The following SAMSN1 variants were observed in gnomAD, a reference collection of about 807,000 sequenced individuals.
SAMSN1 encodes the protein SAM domain, SH3 domain and nuclear localization signals 1.
Under a neutral mutation model 42.0 loss-of-function variants are expected in SAMSN1, and 31 were observed. The observed-to-expected ratio is 0.74, with a 90% CI of 0.55 to 1.00. The LOEUF (loss-of-function observed/expected upper bound fraction) is 1.00. Among genes scored for constraint, SAMSN1 ranks in the 50% least tolerant of loss-of-function variants. The probability of loss-of-function intolerance (pLI) is 0.00; values close to 1 mark genes in which losing one functional copy is unlikely to be tolerated. For synonymous variants in SAMSN1, 178 were observed against 151.9 expected (o/e 1.17, Z -1.26); for missense variants, 464 against 439.4 (o/e 1.06, Z -0.50).
At chr21:14,646,809 T>G (rs1281931785) in intron 1 of SAMSN1, among the ~76,000 whole-genome samples, 1 of 152,206 alleles carries the variant, frequency 6.6e-6, no homozygotes, top group Non-Finnish European at 1.5e-5. Flanking sequence ...TAGTTTTCTT[T>G]TTGCTTGTTT....
intron 2 of SAMSN1, among the ~76,000 whole-genome samples, chr21:14,560,810 A>T (rs1026703104): frequency 1.3e-5 from 2 of 152,218 alleles, no homozygotes; most frequent in African/African-American, 4.8e-5. Context: ...TGCTCGCCTT[A>T]CATTCAGCTC....
upstream of SAMSN1, among the ~76,000 whole-genome samples, chr21:14,584,101 T>A (rs892885510): frequency 6.6e-6 from 1 of 151,824 alleles, no homozygotes; most frequent in African/African-American, 2.4e-5. Flanking sequence ...AAAAACAAGA[T>A]CTTTGCAGTG....
chr21:14,605,852 A>ATTTATTTT (rs1568828056), intron 5 of SAMSN1, among the ~76,000 whole-genome samples: 4 of 145,022 alleles, frequency 2.8e-5, no homozygotes, highest in Admixed American at 6.8e-5. Context: ...TTATTTATTT[A>ATTTATTTT]TTTTTTTGAG....
At chr21:14,566,261 A>C (rs1463343098) in intron 2 of SAMSN1, among the ~76,000 whole-genome samples, 1 of 152,204 alleles carries the variant, frequency 6.6e-6, no homozygotes, top group Admixed American at 6.5e-5. Context: ...GTGTTGCAAG[A>C]CCATCAGAAA....
intron 2 of SAMSN1, among the ~76,000 whole-genome samples, chr21:14,627,133 G>T (rs1473345209): frequency 1.3e-5 from 2 of 152,074 alleles, no homozygotes; most frequent in African/African-American, 4.8e-5. Context: ...GTCATGGGGT[G>T]GGGGTAGGGG....
chr21:14,577,236 G>GTATATATATA lies in SAMSN1; in HGVS notation c.261+4899_261+4900insTATATATATA, dbSNP rs1472311400. ...ATGGTGGGCTAATTTATATATATGT[G>GTATATATATA]TGTATATATATATATATATATATAT... is the stretch of plus-strand genomic sequence containing the variant. On this transcript the variant is annotated intron_variant, in intron 2 of 8. Coordinates refer to the SAMSN1 transcript ENST00000285670. Among the ~76,000 whole-genome samples the GTATATATATA allele has an allele frequency of 5.8e-4, 18 of 30,852 alleles. 1 individual carries two copies. The highest frequency in any genetic ancestry group is 1.3e-3 in the Admixed American group (3 of 2,276). The allele number at this position is 30,852 out of a possible 152,430, so 20.2% of individuals were successfully genotyped here.
chr21:14,586,680 T>G (rs1292210187), upstream of SAMSN1, among the ~76,000 whole-genome samples: 1 of 152,088 alleles, frequency 6.6e-6, no homozygotes, highest in African/African-American at 2.4e-5. Flanking sequence ...TTAGTGAGGA[T>G]GCAAAAAGAG....
At chr21:14,600,236 C>T (rs1280338026) in intron 6 of SAMSN1, among the ~76,000 whole-genome samples, 5 of 152,202 alleles carry the variant, frequency 3.3e-5, no homozygotes, top group African/African-American at 1.2e-4. Context: ...GTGGCTGCCT[C>T]TCTTCCCCAT....
At chr21:14,541,588 A>G (rs1053975294) in intron 1 of SAMSN1, among the ~76,000 whole-genome samples, 3 of 152,210 alleles carry the variant, frequency 2.0e-5, no homozygotes, top group African/African-American at 7.2e-5. Context: ...ATGTGGTCCA[A>G]GAAAATTCTT....
At chr21:14,540,745 A>G (rs572351232) in intron 1 of SAMSN1, among the ~76,000 whole-genome samples, 2 of 152,318 alleles carry the variant, frequency 1.3e-5, no homozygotes, top group East Asian at 1.9e-4. Context: ...AGGATCTAGA[A>G]CTAGTAATTC....
chr21:14,603,027 C>T (rs1049592145), intron 5 of SAMSN1, among the ~76,000 whole-genome samples: 1 of 152,108 alleles, frequency 6.6e-6, no homozygotes, highest in Non-Finnish European at 1.5e-5. Context: ...ATGAGAGTAA[C>T]CATACAACAG....
intron 2 of SAMSN1, among the ~76,000 whole-genome samples, chr21:14,551,922 T>C (rs1980609029): frequency 6.6e-6 from 1 of 152,058 alleles, no homozygotes; most frequent in South Asian, 2.1e-4. Context: ...CATAAGTAGG[T>C]CTTGGCATAC....
intron 6 of SAMSN1, among the ~76,000 whole-genome samples, chr21:14,601,405 T>C (rs569059626): frequency 6.6e-6 from 1 of 152,322 alleles, no homozygotes; most frequent in Admixed American, 6.5e-5. Flanking sequence ...ATGTACCTTC[T>C]ATCCACTGCA....
At chr21:14,500,773 G>T in intron 5 of SAMSN1, 38 bp from the exon 6 acceptor site, 1 of 1,430,660 alleles carries the variant, frequency 7.0e-7, no homozygotes, top group Non-Finnish European at 9.8e-7. Flanking sequence ...AGATTTCAGA[G>T]AACCTCACTG....
At chr21:14,595,844 G>A (rs1953733164) in intron 6 of SAMSN1, among the ~76,000 whole-genome samples, 1 of 152,144 alleles carries the variant, frequency 6.6e-6, no homozygotes, top group African/African-American at 2.4e-5. Context: ...ACTGCAACAA[G>A]TACTAAGTGG....
At chr21:14,486,713 G>T (rs1048138021) in intron 7 of SAMSN1, among the ~76,000 whole-genome samples, 1 of 152,114 alleles carries the variant, frequency 6.6e-6, no homozygotes, top group Non-Finnish European at 1.5e-5. Context: ...AAACCAGGTT[G>T]CTTTTAGAAA....
chr21:14,567,055 C>T (rs145742383), intron 2 of SAMSN1, among the ~76,000 whole-genome samples: 11 of 152,080 alleles, frequency 7.2e-5, no homozygotes, highest in African/African-American at 2.2e-4. Context: ...ACTTTTGCTC[C>T]TCAATGATTG....
chr21:14,612,751 A>G, intron 4 of SAMSN1: 1 of 658,488 alleles, frequency 1.5e-6, no homozygotes, highest in Non-Finnish European at 2.8e-6. Flanking sequence ...CTTCTATATA[A>G]TTCAAAGACA....
chr21:14,548,949 G>C (rs1339901688), upstream of SAMSN1, among the ~76,000 whole-genome samples: 1 of 152,074 alleles, frequency 6.6e-6, no homozygotes, highest in Non-Finnish European at 1.5e-5. Flanking sequence ...TCTGAAATAG[G>C]GAAATTGCAA....
Sources: gnomAD v4.1 joint callset for allele counts (sites outside exome capture counted in the v4.1 genomes callset) on GRCh38, gnomAD v4.1.1 for gene constraint, MANE v1.5 for transcripts, NCBI Gene and HGNC (gene_info 2026-07-23, HGNC 2026-07-21) for gene names.